The following STK3 variants were observed in gnomAD, a reference collection of about 807,000 sequenced individuals.
STK3 encodes the protein serine/threonine kinase 3, also known as serine/threonine-protein kinase 3.
STK3 carries 41 observed loss-of-function variants against 58.0 expected under a neutral mutation model. That is an observed-to-expected ratio of 0.71 (90% confidence interval 0.55 to 0.92). The LOEUF is 0.92. STK3 is among the 40% of genes least tolerant of loss of function. The probability of loss-of-function intolerance (pLI) is 0.00; values close to 1 mark genes in which losing one functional copy is unlikely to be tolerated. For synonymous variants in STK3, 170 were observed against 191.0 expected, an observed-to-expected ratio of 0.89 and a Z score of 0.91; for missense variants, 479 against 602.7, an observed-to-expected ratio of 0.79 and a Z score of 2.15.
At chr8:98,743,533 T>C (rs1051669240) in intron 4 of STK3, among the ~76,000 whole-genome samples, 1 of 152,180 alleles carries the variant, frequency 6.6e-6, no homozygotes, top group African/African-American at 2.4e-5. Context: ...GCTAGCGACA[T>C]GTAGAAAGCT....
At chr8:98,574,684 GAA>G (rs1460582371) in intron 8 of STK3, among the ~76,000 whole-genome samples, 1 of 152,192 alleles carries the variant, frequency 6.6e-6, no homozygotes, top group Non-Finnish European at 1.5e-5. Context: ...TGCACGAAAT[GAA>G]AAGAGGGCTT....
At chr8:98,413,435 G>T (rs530058883) in intron 3 of STK3, 2 of 575,024 alleles carry the variant, frequency 3.5e-6, no homozygotes, top group South Asian at 2.8e-5. Context: ...CTTTCCTGGG[G>T]TCCAGAGTCT....
intron 8 of STK3, among the ~76,000 whole-genome samples, chr8:98,579,045 T>C (rs951930419): frequency 1.3e-5 from 2 of 151,826 alleles, no homozygotes; most frequent in African/African-American, 2.4e-5. Context: ...CAGATACTCA[T>C]GAGGCTGAGG....
At chr8:98,665,390 G>A (rs887096060) in intron 6 of STK3, among the ~76,000 whole-genome samples, 3 of 152,074 alleles carry the variant, frequency 2.0e-5, no homozygotes, top group African/African-American at 7.2e-5. Context: ...AACCACCAAG[G>A]TTTCTTTTTG....
intron 8 of STK3, among the ~76,000 whole-genome samples, chr8:98,561,490 C>G (rs896976431): frequency 6.6e-6 from 1 of 151,956 alleles, no homozygotes; most frequent in African/African-American, 2.4e-5. Context: ...TGGAAAAAAG[C>G]TGGTATCATC....
downstream of STK3, chr8:98,878,870 T>G (rs1254333727): frequency 6.6e-6 from 1 of 152,400 alleles, no homozygotes; most frequent in Non-Finnish European, 1.5e-5. Flanking sequence ...AAAAAGTCTA[T>G]TGATAGAGAA....
chr8:98,804,031 T>A (rs1833755191), intron 1 of STK3, among the ~76,000 whole-genome samples: 1 of 152,102 alleles, frequency 6.6e-6, no homozygotes, highest in Non-Finnish European at 1.5e-5. Flanking sequence ...AGACAGAGTC[T>A]CACTCTGTTG....
chr8:98,589,153 C>T (rs1251118466), intron 7 of STK3, among the ~76,000 whole-genome samples: 2 of 152,224 alleles, frequency 1.3e-5, no homozygotes, highest in Non-Finnish European at 2.9e-5. Context: ...AACTGCATTC[C>T]TTTGGAGGAG....
rs565620753 is a variant in STK3, at chr8:98,521,308, T to C, written c.1317+5434A>G. 4.5e-4 allele frequency among the ~76,000 whole-genome samples: 68 copies of C among 152,112 alleles called. 1 individual carries two copies. Among genetic ancestry groups the C allele is most frequent in the Non-Finnish European group, 6.8e-4 (46 of 68,002 alleles). On this transcript the variant is annotated intron_variant, in intron 10 of 10. Transcript: ENST00000419617. ...TTTCCAACTGTGAGAACATCTTCCT[T>C]TATTATTTTTTTTTGGTACTGTCAC...
At chr8:98,385,583 T>A (rs1432275445) in intron 1 of STK3, among the ~76,000 whole-genome samples, 1 of 152,044 alleles carries the variant, frequency 6.6e-6, no homozygotes, top group Non-Finnish European at 1.5e-5. Flanking sequence ...AGCTGGTGCC[T>A]GAATGGGCAA....
intron 6 of STK3, among the ~76,000 whole-genome samples, chr8:98,699,542 T>C (rs1003369622): frequency 1.3e-5 from 2 of 152,132 alleles, no homozygotes; most frequent in Non-Finnish European, 2.9e-5. Context: ...GGGTTTTTGG[T>C]GTGGATGTCC....
intron 10 of STK3, among the ~76,000 whole-genome samples, chr8:98,503,909 C>G (rs1386665020): frequency 6.6e-6 from 1 of 152,148 alleles, no homozygotes; most frequent in Non-Finnish European, 1.5e-5. Context: ...CTGTAGATGT[C>G]TATTAGGTCT....
At chr8:98,712,784 C>T (rs1345282602) in intron 4 of STK3, among the ~76,000 whole-genome samples, 1 of 152,032 alleles carries the variant, frequency 6.6e-6, no homozygotes, top group Non-Finnish European at 1.5e-5. Flanking sequence ...CCAAGCGGAC[C>T]TAATAGACAT....
chr8:98,779,140 A>T (rs6468643), intron 1 of STK3, among the ~76,000 whole-genome samples: 3 of 151,864 alleles, frequency 2.0e-5, no homozygotes, highest in African/African-American at 7.3e-5. Context: ...TTTCTTCTCA[A>T]CTAAAAAAAA....
At chr8:98,395,514 C>T (rs1488586292) in intron 3 of STK3, among the ~76,000 whole-genome samples, 1 of 152,108 alleles carries the variant, frequency 6.6e-6, no homozygotes, top group Non-Finnish European at 1.5e-5. Context: ...GAATGAAATA[C>T]AAAACTAATT....
chr8:98,662,017 C>A (rs780363655), intron 6 of STK3, among the ~76,000 whole-genome samples: 33 of 152,174 alleles, frequency 2.2e-4, no homozygotes, highest in African/African-American at 7.7e-4. Flanking sequence ...GCTTCTTAAG[C>A]ATAAAGATTG....
intron 10 of STK3, among the ~76,000 whole-genome samples, chr8:98,486,688 T>G (rs564436367): frequency 1.3e-5 from 2 of 152,286 alleles, no homozygotes; most frequent in Non-Finnish European, 2.9e-5. Flanking sequence ...TAGAGGAGTA[T>G]GAATGAATTT....
At chr8:98,448,007 A>G (rs1418963334) in intron 1 of STK3, among the ~76,000 whole-genome samples, 1 of 150,468 alleles carries the variant, frequency 6.6e-6, no homozygotes, top group Non-Finnish European at 1.5e-5. Context: ...ACTGAAAAAA[A>G]AAAAGAACTT....
At chr8:98,683,008 G>A (rs1823747353) in intron 6 of STK3, among the ~76,000 whole-genome samples, 1 of 151,838 alleles carries the variant, frequency 6.6e-6, no homozygotes. Flanking sequence ...CCACACAATT[G>A]CTTTTAAGAT....
Sources: allele counts gnomAD v4.1 joint callset (sites outside exome capture counted in the v4.1 genomes callset), GRCh38; gene constraint gnomAD v4.1.1; transcripts MANE v1.5; gene names NCBI Gene and HGNC (gene_info 2026-07-23, HGNC 2026-07-21).